Variants in LMBRD1 observed in about 807,000 individuals in gnomAD.
LMBRD1 encodes the protein lysosomal cobalamin transport escort protein LMBD1.
In LMBRD1, 64 loss-of-function variants were observed where a neutral mutation model predicts 74.8. The ratio of observed to expected loss-of-function variants is 0.86; its 90% CI spans 0.70 to 1.05. The LOEUF (loss-of-function observed/expected upper bound fraction) is 1.05. LMBRD1 is among the 50% of genes least tolerant of loss of function. The probability of loss-of-function intolerance (pLI) is 0.00; values close to 1 mark genes in which losing one functional copy is unlikely to be tolerated. For synonymous variants in LMBRD1, 204 were observed against 216.3 expected (o/e 0.94, Z 0.50); for missense variants, 652 against 645.9 (o/e 1.01, Z -0.10).
At chr6:69,704,973 T>G (rs1193706266) in intron 9 of LMBRD1, among the ~76,000 whole-genome samples, 1 of 151,740 alleles carries the variant, frequency 6.6e-6, no homozygotes, top group African/African-American at 2.4e-5. Context: ...TTTTTTAAAT[T>G]TATTAAAATA....
chr6:69,734,780 A>G (rs1328764134), intron 7 of LMBRD1, among the ~76,000 whole-genome samples: 2 of 152,220 alleles, frequency 1.3e-5, no homozygotes, highest in African/African-American at 4.8e-5. Context: ...AACATCACCA[A>G]ACTTCTAAAT....
At chr6:69,768,448 C>T (rs910033287) in intron 3 of LMBRD1, among the ~76,000 whole-genome samples, 1 of 146,982 alleles carries the variant, frequency 6.8e-6, no homozygotes, top group African/African-American at 2.7e-5. Flanking sequence ...ACAATACAGG[C>T]AAAATATATA....
Position 69,779,191 on chromosome 6 carries a change from A to AAG in LMBRD1, c.307+1302_307+1303insCT, listed in dbSNP as rs71709752. Among the ~76,000 whole-genome samples, 490 of 151,322 alleles carry AAG rather than the reference A, an allele frequency of 3.2e-3. 13 individuals are homozygous for AAG. Among genetic ancestry groups the AAG allele is most frequent in the African/African-American group, 0.011 (451 of 41,030 alleles). ...ACAGGGCGAGACTCAGTCTCAAAAA[A>AAG]AAAAAAAAAACAATTCAATGGAACT... On this transcript the variant is annotated intron_variant, in intron 3 of 15. Transcript: ENST00000649934.
intron 14 of LMBRD1, among the ~76,000 whole-genome samples, chr6:69,682,365 T>G (rs1376793563): frequency 6.6e-6 from 1 of 151,904 alleles, no homozygotes; most frequent in Non-Finnish European, 1.5e-5. Flanking sequence ...TGCCAGATAT[T>G]TTGCACTTAA....
chr6:69,698,137 T>G (rs936152976), intron 13 of LMBRD1, among the ~76,000 whole-genome samples: 1 of 152,044 alleles, frequency 6.6e-6, no homozygotes, highest in African/African-American at 2.4e-5. Flanking sequence ...CTCAGGTCAT[T>G]CATGTACCTC....
chr6:69,746,116 C>A, intron 5 of LMBRD1: 1 of 175,278 alleles, frequency 5.7e-6, no homozygotes, highest in South Asian at 1.4e-4. Context: ...CAAGATTTCA[C>A]CAAAATTAAA....
intron 2 of LMBRD1, among the ~76,000 whole-genome samples, chr6:69,786,458 G>T (rs1197014883): frequency 1.3e-5 from 2 of 150,764 alleles, no homozygotes; most frequent in Non-Finnish European, 3.0e-5. Context: ...GTAAAAGAAA[G>T]AATATTTATT....
intron 3 of LMBRD1, among the ~76,000 whole-genome samples, chr6:69,759,575 T>C (rs1765335678): frequency 6.6e-6 from 1 of 151,978 alleles, no homozygotes; most frequent in South Asian, 2.1e-4. Flanking sequence ...CTTGAAAGAA[T>C]AAACCAAAAC....
At chr6:69,713,327 A>C (rs187758464) in intron 9 of LMBRD1, among the ~76,000 whole-genome samples, 1 of 152,288 alleles carries the variant, frequency 6.6e-6, no homozygotes, top group African/African-American at 2.4e-5. Context: ...TACTAGGAGA[A>C]AGCATAGGCT....
chr6:69,698,241 T>C (rs1331931990), intron 13 of LMBRD1, among the ~76,000 whole-genome samples: 1 of 151,998 alleles, frequency 6.6e-6, no homozygotes, highest in East Asian at 1.9e-4. Context: ...TTATGGATGG[T>C]ACTGATTGAG....
At chr6:69,702,464 A>G (rs1766155383) in intron 9 of LMBRD1, among the ~76,000 whole-genome samples, 1 of 152,002 alleles carries the variant, frequency 6.6e-6, no homozygotes. Flanking sequence ...TATTCCTGAA[A>G]CAGAGTACTA....
At chr6:69,741,995 C>T in intron 5 of LMBRD1, 118 bp from the exon 6 acceptor site, 1 of 630,210 alleles carries the variant, frequency 1.6e-6, no homozygotes, top group South Asian at 2.0e-5. Context: ...GTACTATGCA[C>T]AGAGGGGAGT....
rs1765538539 is a variant in LMBRD1 at position 69,676,142 on chromosome 6, T to A, written c.*16A>T. The A allele has an allele frequency of 6.3e-7, 1 of 1,590,002 alleles. No individual in the cohort carries two copies. The highest frequency in any genetic ancestry group is 1.7e-4 in the Middle Eastern group (1 of 6,002). ...ATATTCAGTCAGCATTATAAAACCT[T>A]TAAGACAGAAGGCTGTCAAGCAGAA... is the stretch of plus-strand genomic sequence containing the variant. On this transcript the variant is annotated 3_prime_UTR_variant, in exon 16 of 16. Transcript: ENST00000649934.
intron 3 of LMBRD1, among the ~76,000 whole-genome samples, chr6:69,777,165 G>A (rs944658256): frequency 6.6e-6 from 1 of 151,492 alleles, no homozygotes; most frequent in African/African-American, 2.4e-5. Context: ...TTAAAAAAGG[G>A]GTCCGGGCAC....
chr6:69,696,221 T>A (rs1467916003), intron 14 of LMBRD1, among the ~76,000 whole-genome samples: 1 of 152,246 alleles, frequency 6.6e-6, no homozygotes, highest in East Asian at 1.9e-4. Flanking sequence ...TCAGAAATTC[T>A]TTCAATTTAC....
intron 7 of LMBRD1, among the ~76,000 whole-genome samples, chr6:69,725,190 A>C (rs1282405695): frequency 2.0e-5 from 3 of 152,146 alleles, no homozygotes; most frequent in Non-Finnish European, 4.4e-5. Context: ...TGAAAACTAT[A>C]AAATACTGAT....
At chr6:69,741,444 T>G (rs1442439265) in intron 6 of LMBRD1, among the ~76,000 whole-genome samples, 2 of 113,582 alleles carry the variant, frequency 1.8e-5, no homozygotes, top group African/African-American at 8.0e-5. Flanking sequence ...TGGAATGCAA[T>G]GGCGCAATTC....
At position 69,676,030 on chromosome 6, in the gene LMBRD1, A is replaced by C. The variant is rs1270191309; in HGVS notation, c.*128T>G. The C allele has an allele frequency of 1.4e-6, 1 of 706,196 alleles. No individual in the cohort carries two copies. The highest frequency in any genetic ancestry group is 1.8e-5 in the African/African-American group (1 of 56,034). The allele number at this position is 706,196 out of a possible 1,614,324, so 43.7% of individuals were successfully genotyped here. ...CTTCAGAAAACATATAATAAAATAT[A>C]GTTGTCTTATAGCCATGCTCCCATT... On this transcript the variant is annotated 3_prime_UTR_variant, in exon 16 of 16. Transcript: ENST00000649934.
In LMBRD1 at chr6:69,713,815, A is replaced by G. The variant is rs1167524831; in HGVS notation, c.763-18T>C. ...TCTTTGCTCTGCAAATAACAGAACAAAATAAAAGTTTTACCATTAACATCT... is the reference window on the plus strand; with the variant it reads ...TCTTTGCTCTGCAAATAACAGAACAGAATAAAAGTTTTACCATTAACATCT... On this transcript the variant is annotated intron_variant, in intron 8 of 15. Coordinates refer to ENST00000649934, the MANE Select transcript of LMBRD1 (RefSeq NM_018368.4). The G allele has an allele frequency of 6.2e-7, 1 of 1,612,904 alleles. No homozygotes were observed. Among genetic ancestry groups the G allele is most frequent in the Non-Finnish European group, 8.5e-7 (1 of 1,179,316 alleles).
Sources: allele counts gnomAD v4.1 joint callset (sites outside exome capture counted in the v4.1 genomes callset), GRCh38; gene constraint gnomAD v4.1.1; transcripts MANE v1.5; gene names NCBI Gene and HGNC (gene_info 2026-07-23, HGNC 2026-07-21).